SLC35D4: variants seen among roughly 807,000 people sequenced by gnomAD.
SLC35D4 encodes solute carrier family 35 member D4.
At chr18:23,289,876 GAAC>G in the SLC35D4 span, among the ~76,000 whole-genome samples, 27 of 151,950 alleles carry the variant, frequency 1.8e-4, 1 homozygote, top group African/African-American at 4.8e-4. Flanking sequence ...GCCTGCCAGA[GAAC>G]AACCCCCCTT....
At chr18:23,377,109 C>T in the SLC35D4 span, among the ~76,000 whole-genome samples, 1 of 152,152 alleles carries the variant, frequency 6.6e-6, no homozygotes, top group Admixed American at 6.6e-5. Flanking sequence ...GCAAGGCACC[C>T]AGGTTAGAAT....
the SLC35D4 span, among the ~76,000 whole-genome samples, chr18:23,300,586 C>T: frequency 6.6e-6 from 1 of 152,164 alleles, no homozygotes; most frequent in Non-Finnish European, 1.5e-5. Context: ...AAAATGAAAA[C>T]AAACCTTGGT....
the SLC35D4 span, among the ~76,000 whole-genome samples, chr18:23,366,962 T>C: frequency 2.0e-5 from 3 of 152,176 alleles, no homozygotes; most frequent in African/African-American, 7.2e-5. Context: ...GGCTAAGTCT[T>C]TGCTTCCATC....
chr18:23,411,505 G>GAAAGAAAGAAAT, the SLC35D4 span, among the ~76,000 whole-genome samples: 1 of 148,320 alleles, frequency 6.7e-6, no homozygotes, highest in Non-Finnish European at 1.5e-5. Context: ...AAGAAAGAAA[G>GAAAGAAAGAAAT]AAAGAAAGAA....
the SLC35D4 span, among the ~76,000 whole-genome samples, chr18:23,332,475 C>T: frequency 6.6e-6 from 1 of 152,146 alleles, no homozygotes; most frequent in African/African-American, 2.4e-5. Flanking sequence ...TTCTACAATC[C>T]TCACCAACAT....
the SLC35D4 span, among the ~76,000 whole-genome samples, chr18:23,245,577 C>A: frequency 1.3e-5 from 2 of 151,608 alleles, no homozygotes; most frequent in African/African-American, 4.9e-5. Flanking sequence ...ATCTGGATAA[C>A]TAAGTTGTGG....
the SLC35D4 span, among the ~76,000 whole-genome samples, chr18:23,337,002 A>AGTGTGT: frequency 7.6e-3 from 1,123 of 147,996 alleles, 11 homozygotes; most frequent in African/African-American, 0.024. Flanking sequence ...TTTCCCCTGT[A>AGTGTGT]GTGTGTGTGT....
At chr18:23,327,585 G>A in the SLC35D4 span, among the ~76,000 whole-genome samples, 7 of 152,044 alleles carry the variant, frequency 4.6e-5, no homozygotes, top group African/African-American at 1.7e-4. Context: ...AAGAGTCCAG[G>A]ACCAGACGGA....
the SLC35D4 span, among the ~76,000 whole-genome samples, chr18:23,421,924 G>A: frequency 0.12 from 18,774 of 151,764 alleles, 1,272 homozygotes; most frequent in Middle Eastern, 0.2. Flanking sequence ...TGATCCTCCT[G>A]CCTTGGCCTC....
At chr18:23,316,253 C>A in the SLC35D4 span, among the ~76,000 whole-genome samples, 1 of 152,202 alleles carries the variant, frequency 6.6e-6, no homozygotes, top group African/African-American at 2.4e-5. Context: ...AGGTGTATTT[C>A]AGACAGTCTT....
At chr18:23,343,740 G>A in the SLC35D4 span, among the ~76,000 whole-genome samples, 8 of 152,106 alleles carry the variant, frequency 5.3e-5, no homozygotes, top group South Asian at 2.1e-4. Flanking sequence ...AGTAGGCCCC[G>A]GTGTCAGCCG....
the SLC35D4 span, among the ~76,000 whole-genome samples, chr18:23,291,640 C>T: frequency 1.3e-5 from 2 of 152,194 alleles, no homozygotes; most frequent in East Asian, 3.9e-4. Flanking sequence ...CCATGCCTGG[C>T]CTCTCCTGCA....
At chr18:23,354,889 C>G in the SLC35D4 span, among the ~76,000 whole-genome samples, 1 of 137,548 alleles carries the variant, frequency 7.3e-6, no homozygotes, top group Non-Finnish European at 1.7e-5. Flanking sequence ...TCTTATCTTT[C>G]TCCTTGCACT....
chr18:23,264,798 C>T, the SLC35D4 span, among the ~76,000 whole-genome samples: 1 of 152,090 alleles, frequency 6.6e-6, no homozygotes, highest in Non-Finnish European at 1.5e-5. Context: ...GTGCATCACG[C>T]CACGCCCAGC....
the SLC35D4 span, among the ~76,000 whole-genome samples, chr18:23,318,202 T>A: frequency 6.6e-6 from 1 of 152,236 alleles, no homozygotes; most frequent in Non-Finnish European, 1.5e-5. Context: ...ACACTAAGCA[T>A]CTTTTTCCTG....
At chr18:23,260,679 A>G in the SLC35D4 span, among the ~76,000 whole-genome samples, 2 of 152,136 alleles carry the variant, frequency 1.3e-5, no homozygotes, top group African/African-American at 4.8e-5. Flanking sequence ...TTCAGCAACA[A>G]AAGACATCTT....
At chr18:23,321,597 G>A in the SLC35D4 span, among the ~76,000 whole-genome samples, 248 of 152,254 alleles carry the variant, frequency 1.6e-3, 1 homozygote, top group African/African-American at 5.7e-3. Context: ...TGGGACTACA[G>A]GCATGTGCCA....
the SLC35D4 span, among the ~76,000 whole-genome samples, chr18:23,412,672 T>G: frequency 1.3e-5 from 2 of 152,202 alleles, no homozygotes; most frequent in South Asian, 4.1e-4. Flanking sequence ...GATGACAGTT[T>G]CTCACAGAGC....
chr18:23,392,393 T>C, the SLC35D4 span, among the ~76,000 whole-genome samples: 1 of 152,220 alleles, frequency 6.6e-6, no homozygotes, highest in Non-Finnish European at 1.5e-5. Flanking sequence ...ATAAACTGAC[T>C]TGTATGAAAT....
Sources: gnomAD v4.1 joint callset for allele counts (sites outside exome capture counted in the v4.1 genomes callset) on GRCh38, gnomAD v4.1.1 for gene constraint, MANE v1.5 for transcripts, NCBI Gene and HGNC (gene_info 2026-07-23, HGNC 2026-07-21) for gene names.